The following CALN1 variants were observed in gnomAD, a reference collection of about 807,000 sequenced individuals.
The protein encoded by CALN1 is calneuron 1, also known as calcium-binding protein 8.
A neutral mutation model predicts 30.6 loss-of-function variants in CALN1; 17 were observed. The ratio of observed to expected loss-of-function variants is 0.56; its 90% CI spans 0.38 to 0.83. The LOEUF is 0.83. Ranked by LOEUF, CALN1 falls within the 40% of genes least tolerant of loss-of-function variation. The probability of loss-of-function intolerance (pLI) is 0.00; values close to 1 mark genes in which losing one functional copy is unlikely to be tolerated. For missense variants in CALN1, 291 were observed against 354.9 expected (o/e 0.82, Z 1.45); for synonymous variants, 156 against 131.4 (o/e 1.19, Z -1.28).
intron 3 of CALN1, among the ~76,000 whole-genome samples, chr7:72,156,350 A>G (rs889852568): frequency 1.3e-5 from 2 of 152,210 alleles, no homozygotes; most frequent in African/African-American, 4.8e-5. Context: ...ACCCCTGAAT[A>G]CAGAATGCTG....
At position 72,008,423 on chromosome 7, in the gene CALN1, A is replaced by G. The variant is rs139057313; in HGVS notation, c.501+15234T>C. On this transcript the variant is annotated intron_variant, in intron 5 of 6. Coordinates refer to ENST00000395275, the MANE Select transcript of CALN1 (RefSeq NM_031468.4). ...TTATATCTAAATTATTTCATTAATA[A>G]AAAAGAAAACTAAATAAAATAATTT... Among the ~76,000 whole-genome samples the G allele has an allele frequency of 2.1e-3, 319 of 151,992 alleles. 1 individual carries two copies. The highest frequency in any genetic ancestry group is 7.4e-3 in the African/African-American group (308 of 41,502).
At chr7:72,335,941 C>A (rs956331183) in intron 2 of CALN1, among the ~76,000 whole-genome samples, 1 of 152,198 alleles carries the variant, frequency 6.6e-6, no homozygotes, top group Admixed American at 6.5e-5. Flanking sequence ...GAAGTTCACT[C>A]CGCGCTGCGC....
chr7:72,382,630 G>A (rs1562935879), intron 2 of CALN1, among the ~76,000 whole-genome samples: 2 of 152,062 alleles, frequency 1.3e-5, no homozygotes, highest in African/African-American at 2.4e-5. Flanking sequence ...TTCTCCTCTA[G>A]TAGTCCTCAG....
At chr7:72,162,275 T>C (rs1788168497) in intron 3 of CALN1, among the ~76,000 whole-genome samples, 1 of 152,098 alleles carries the variant, frequency 6.6e-6, no homozygotes. Context: ...GCAGAAAGTA[T>C]TGGTTTCAGT....
intron 4 of CALN1, among the ~76,000 whole-genome samples, chr7:72,094,124 A>C (rs1407794064): frequency 6.6e-6 from 1 of 152,248 alleles, no homozygotes. Context: ...AAGAGGAAAC[A>C]TTCTAGGTCT....
chr7:71,959,705 A>C (rs1014683034), intron 5 of CALN1, among the ~76,000 whole-genome samples: 1 of 151,586 alleles, frequency 6.6e-6, no homozygotes, highest in Non-Finnish European at 1.5e-5. Flanking sequence ...CCCAGTCCCA[A>C]CTCCATCAGC....
At chr7:72,205,707 C>T (rs2129547764) in intron 3 of CALN1, among the ~76,000 whole-genome samples, 1 of 149,358 alleles carries the variant, frequency 6.7e-6, no homozygotes, top group East Asian at 2.0e-4. Flanking sequence ...TCAATTTTTC[C>T]TTTATACCTT....
rs1033832101 is a variant in CALN1 at position 71,786,835 on chromosome 7, C to G, written c.*940G>C. ...CAAAACCTCACCGCCAGTCCCAGTC[C>G]CCTCCCCCCTCAACCTGCCTCACCC... On this transcript the variant is annotated 3_prime_UTR_variant, in exon 7 of 7. Coordinates refer to ENST00000395275, the MANE Select transcript of CALN1 (RefSeq NM_031468.4). 6.6e-6 allele frequency: 1 copy of G among 152,380 alleles called. No homozygotes were observed. The highest frequency in any genetic ancestry group is 1.5e-5 in the Non-Finnish European group (1 of 68,034). The allele number at this position is 152,380 out of a possible 1,614,324, so 9.4% of individuals were successfully genotyped here.
intron 1 of CALN1, among the ~76,000 whole-genome samples, chr7:72,404,902 G>A (rs1806597348): frequency 1.3e-5 from 2 of 152,190 alleles, no homozygotes; most frequent in Admixed American, 1.3e-4. Context: ...TCAGCCCAAA[G>A]CCCTGTGAGT....
intron 5 of CALN1, among the ~76,000 whole-genome samples, chr7:71,983,981 C>T (rs555666774): frequency 7.2e-5 from 11 of 152,006 alleles, no homozygotes; most frequent in African/African-American, 2.2e-4. Context: ...ATGATAACCG[C>T]GCCAAAAGAT....
chr7:72,305,984 TA>T (rs1799623433), intron 2 of CALN1, among the ~76,000 whole-genome samples: 1 of 152,152 alleles, frequency 6.6e-6, no homozygotes. Context: ...AGACATCATC[TA>T]AACTTAATTA....
intron 5 of CALN1, among the ~76,000 whole-genome samples, chr7:71,918,918 G>A (rs1272430841): frequency 6.6e-6 from 1 of 152,108 alleles, no homozygotes. Context: ...TATATAACAT[G>A]CTTTATGGTT....
At chr7:72,492,054 T>C in the CALN1 span, among the ~76,000 whole-genome samples, 1 of 152,206 alleles carries the variant, frequency 6.6e-6, no homozygotes, top group Non-Finnish European at 1.5e-5. Context: ...ATCTCATCTC[T>C]ACCCTTGGGC....
chr7:72,456,921 C>T, the CALN1 span, among the ~76,000 whole-genome samples: 1 of 151,860 alleles, frequency 6.6e-6, no homozygotes, highest in East Asian at 1.9e-4. Flanking sequence ...TCTTAGAGCC[C>T]AAGTAGGTAA....
chr7:72,026,772 A>G (rs1392661905), intron 4 of CALN1, among the ~76,000 whole-genome samples: 1 of 152,146 alleles, frequency 6.6e-6, no homozygotes, highest in African/African-American at 2.4e-5. Context: ...AATATAGAAC[A>G]AGATATTTGC....
chr7:72,233,756 C>T (rs140046343), intron 3 of CALN1, among the ~76,000 whole-genome samples: 2,187 of 152,228 alleles, frequency 0.014, 28 homozygotes, highest in Non-Finnish European at 0.019. Flanking sequence ...GTAATCCCAA[C>T]ACTTTGAAAG....
At chr7:72,172,579 A>C (rs1789046033) in intron 3 of CALN1, among the ~76,000 whole-genome samples, 1 of 152,250 alleles carries the variant, frequency 6.6e-6, no homozygotes, top group South Asian at 2.1e-4. Flanking sequence ...ATATATCAAA[A>C]GGTACATAAC....
intron 5 of CALN1, among the ~76,000 whole-genome samples, chr7:71,869,143 T>G (rs1026062215): frequency 6.6e-6 from 1 of 152,156 alleles, no homozygotes; most frequent in Non-Finnish European, 1.5e-5. Flanking sequence ...CATAAGGGTC[T>G]ATATATACAG....
chr7:71,864,040 C>T (rs1438438541), intron 5 of CALN1, among the ~76,000 whole-genome samples: 1 of 152,124 alleles, frequency 6.6e-6, no homozygotes, highest in African/African-American at 2.4e-5. Flanking sequence ...TAGCTTTGTT[C>T]TTTACAGATT....
Sources: allele counts gnomAD v4.1 joint callset (sites outside exome capture counted in the v4.1 genomes callset), GRCh38; gene constraint gnomAD v4.1.1; transcripts MANE v1.5; gene names NCBI Gene and HGNC (gene_info 2026-07-23, HGNC 2026-07-21).